KANK2: variants seen among roughly 807,000 people sequenced by gnomAD.
KANK2 encodes the protein KN motif and ankyrin repeat domain-containing protein 2.
A neutral mutation model predicts 74.6 loss-of-function variants in KANK2; 41 were observed. The ratio of observed to expected loss-of-function variants is 0.55; its 90% CI spans 0.43 to 0.71. The LOEUF (loss-of-function observed/expected upper bound fraction) is 0.71. Among genes scored for constraint, KANK2 ranks in the 30% least tolerant of loss-of-function variants. KANK2 has a pLI of 0.00. For missense variants in KANK2, 1,148 were observed against 1,196.4 expected, an observed-to-expected ratio of 0.96 and a Z score of 0.60; for synonymous variants, 537 against 519.0, an observed-to-expected ratio of 1.03 and a Z score of -0.47.
At position 11,174,603 on chromosome 19, in the gene KANK2, G is replaced by A; in HGVS notation, c.1938C>T (p.Val646=). 6.2e-7 allele frequency: 1 copy of A among 1,612,950 alleles called. No homozygotes were observed. The highest frequency in any genetic ancestry group is 8.5e-7 in the Non-Finnish European group (1 of 1,179,804). The change falls in exon 9 of 13, where the codon GTC becomes GTT. Residue 646 remains valine, a synonymous_variant. Transcript: ENST00000586659. ...GCCGCGCAGACATGGCCCGGAACGT[G>A]ACCAGGTGCCGCCGCACCAGCTCGG... The part of the protein sequence containing the change: ...AHPELVRRHL[V]TFRAMSARLL...
chr19:11,181,857 A>T (rs1490439595), intron 4 of KANK2, among the ~76,000 whole-genome samples: 1 of 152,066 alleles, frequency 6.6e-6, no homozygotes, highest in Non-Finnish European at 1.5e-5. Flanking sequence ...AAACAAAAAA[A>T]TGATGCAAAT....
chr19:11,172,279 A>T (rs1379994237), intron 10 of KANK2, among the ~76,000 whole-genome samples: 3 of 152,134 alleles, frequency 2.0e-5, no homozygotes, highest in African/African-American at 4.8e-5. Context: ...GCCTGGCCTT[A>T]ATTTTTTGAA....
intron 12 of KANK2, among the ~76,000 whole-genome samples, chr19:11,167,190 T>A (rs1210321181): frequency 1.3e-5 from 2 of 150,492 alleles, no homozygotes; most frequent in African/African-American, 4.9e-5. Flanking sequence ...CTCAGCCTCC[T>A]TAGTAGCTGG....
At position 11,175,970 on chromosome 19, in the gene KANK2, G is replaced by C. The variant is rs200345643; in HGVS notation, c.1780C>G (p.Leu594Val). 4.6e-5 allele frequency: 75 copies of C among 1,613,638 alleles called. No individual in the cohort carries two copies. The highest frequency in any genetic ancestry group is 3.4e-6 in the Non-Finnish European group (4 of 1,179,798). The change falls in exon 8 of 13, where the codon CTC becomes GTC. Residue 594 changes from leucine (L) to valine (V), a missense_variant. By Grantham distance (32) the Leu-to-Val change is conservative. Coordinates refer to ENST00000586659, the MANE Select transcript of KANK2 (RefSeq NM_001136191.3). ...TCCAGGGCCAAGCAGGCTGAGATGA[G>C]GTCAGGGCTTAGCTCCATCCTGCCA... ...EEIRMELSPDLISACLALEKY... is the reference protein window; with the variant it reads ...EEIRMELSPDVISACLALEKY...
In KANK2 at chr19:11,193,864, C is replaced by G. The variant is rs375690240; in HGVS notation, c.216G>C (p.Ser72=). 1 of 1,613,012 alleles carries G rather than the reference C, an allele frequency of 6.2e-7. No individual in the cohort carries two copies. The highest frequency in any genetic ancestry group is 1.7e-5 in the Admixed American group (1 of 59,974). Residue 72 remains serine, a synonymous_variant, in exon 4 of 13, where the codon TCG becomes TCC. Transcript: ENST00000586659. The surrounding 1 kb of genome is among the most constrained non-coding windows in gnomAD (Gnocchi z 9.6). ...ACCAGGAGCCAGGGCCACGGGGCAG[C>G]GAGCTCAGGCGGGGGCGGCGCTGCA... ...VAVQRRPRLS[S]LPRGPGSWWT...
At chr19:11,197,832 C>G (rs1411499223), upstream of KANK2, 1 of 151,544 alleles carries the variant, frequency 6.6e-6, no homozygotes, top group African/African-American at 2.4e-5. Context: ...TGGGCCGCTG[C>G]GGGGGGCGGA....
In KANK2 at chr19:11,193,363, G is replaced by A. The variant is rs778604840; in HGVS notation, c.717C>T (p.Pro239=). Residue 239 remains proline, a synonymous_variant, in exon 4 of 13, where the codon CCC becomes CCT. Coordinates refer to ENST00000586659, the MANE Select transcript of KANK2 (RefSeq NM_001136191.3). The surrounding 1 kb of genome is among the most constrained non-coding windows in gnomAD (Gnocchi z 9.6). ...QLKSQKFLGH[P]TAGRGRSELC... is the part of the protein sequence containing the mutation. ...GCTCGCTGCGACCCCGGCCCGCTGT[G>A]GGGTGGCCCAGGAACTTCTGGCTCT... is the stretch of plus-strand genomic sequence containing the variant. 2 of 1,612,820 alleles carry A rather than the reference G, an allele frequency of 1.2e-6. No individual in the cohort carries two copies. Among genetic ancestry groups the A allele is most frequent in the Admixed American group, 3.3e-5 (2 of 60,010 alleles).
chr19:11,165,943 G>T lies in KANK2; in HGVS notation c.*615C>A, dbSNP rs527479548. On this transcript the variant is annotated 3_prime_UTR_variant, in exon 13 of 13. Coordinates refer to ENST00000586659, the MANE Select transcript of KANK2 (RefSeq NM_001136191.3). ...ATCTGAATGAGGGTGAAAAGACTGAGTTTTCTGTCCCGGGTGACAAGGACA... is the reference window on the plus strand; with the variant it reads ...ATCTGAATGAGGGTGAAAAGACTGATTTTTCTGTCCCGGGTGACAAGGACA... 1 of 152,382 alleles carries T rather than the reference G, an allele frequency of 6.6e-6. No individual in the cohort carries two copies. The highest frequency in any genetic ancestry group is 6.5e-5 in the Admixed American group (1 of 15,278). 9.4% of individuals were successfully genotyped at this position (152,382 alleles called of 1,614,324 possible).
chr19:11,177,093 CT>C (rs33941817), intron 6 of KANK2, among the ~76,000 whole-genome samples: 258 of 104,778 alleles, frequency 2.5e-3, no homozygotes, highest in Middle Eastern at 6.9e-3. Context: ...ACTCACCCTC[CT>C]TTTTTTTTTT....
chr19:11,170,641 G>A lies in KANK2; in HGVS notation c.2212-393C>T, dbSNP rs1017596445. 6.6e-6 allele frequency among the ~76,000 whole-genome samples: 1 copy of A among 152,290 alleles called. No homozygotes were observed. The highest frequency in any genetic ancestry group is 2.4e-5 in the African/African-American group (1 of 41,560). On this transcript the variant is annotated intron_variant, in intron 10 of 12. Coordinates refer to ENST00000586659, the MANE Select transcript of KANK2 (RefSeq NM_001136191.3). The surrounding 1 kb of genome is among the most constrained non-coding windows in gnomAD (Gnocchi z 5.2). Reference sequence around the variant, plus strand: ...GTCTTGCTCTGTTGCCCAGGTTGGCGTGCAGTGGCACGATCGCAGCTCACT... The same window carrying A: ...GTCTTGCTCTGTTGCCCAGGTTGGCATGCAGTGGCACGATCGCAGCTCACT...
intron 6 of KANK2, among the ~76,000 whole-genome samples, chr19:11,177,375 G>C (rs2078375872): frequency 1.3e-5 from 2 of 151,478 alleles, no homozygotes; most frequent in South Asian, 4.2e-4. Context: ...TTTTTTTTGA[G>C]ACGGAGTCTC....
rs143435441 is a variant in KANK2 at position 11,194,023 on chromosome 19, G to A, written c.57C>T (p.Ser19=). 1 of 1,609,646 alleles carries A rather than the reference G, an allele frequency of 6.2e-7. No individual in the cohort carries two copies. Among genetic ancestry groups the A allele is most frequent in the Non-Finnish European group, 8.5e-7 (1 of 1,177,296 alleles). The change falls in exon 4 of 13, where the codon TCC becomes TCT. Residue 19 remains serine, a synonymous_variant. Transcript: ENST00000586659. ...APFPGTPGPA[S]PPAFPAKDPD... is the part of the protein sequence containing the mutation. ...GGTCCTTGGCAGGGAAGGCAGGTGG[G>A]GAGGCTGGGCCAGGGGTCCCTGGGG... is the stretch of plus-strand genomic sequence containing the variant.
rs201170043 is a variant in KANK2, at chr19:11,182,546, C to A, written c.1250-3826G>T. Among the ~76,000 whole-genome samples, 870 of 118,732 alleles carry A rather than the reference C, an allele frequency of 7.3e-3. 13 individuals are homozygous for A. The highest frequency in any genetic ancestry group is 9.6e-3 in the Non-Finnish European group (513 of 53,164). 77.9% of individuals were successfully genotyped at this position (118,732 alleles called of 152,430 possible). A position where few individuals can be genotyped will look rare whatever the true frequency, so the allele number is the denominator to read the frequency against. On this transcript the variant is annotated intron_variant, in intron 4 of 12. Transcript: ENST00000586659. ...ATCTTTAAAAAAAAAAACAAAAAAACAAAACAAAACAAAAAAGCCAGGCGC... is the reference window on the plus strand; with the variant it reads ...ATCTTTAAAAAAAAAAACAAAAAAAAAAAACAAAACAAAAAAGCCAGGCGC...
At position 11,170,204 on chromosome 19, in the gene KANK2, C is replaced by T. The variant is rs1479740607; in HGVS notation, c.2256G>A (p.Val752=). 1 of 1,611,318 alleles carries T rather than the reference C, an allele frequency of 6.2e-7. No homozygotes were observed. Among genetic ancestry groups the T allele is most frequent in the East Asian group, 2.2e-5 (1 of 44,882 alleles). Residue 752 remains valine, a synonymous_variant, in exon 11 of 13, where the codon GTG becomes GTA. Transcript: ENST00000586659. This position sits in a 1 kb window ranked among gnomAD's most constrained non-coding sequence, Gnocchi z 5.2. ...ALMLAVSHGR[V]DVVKALLACE... ...AGGCCAGCAGGGCTTTGACAACGTC[C>T]ACCCGCCCGTGGCTGACGGCCAGCA... is the stretch of plus-strand genomic sequence containing the variant.
In KANK2 at chr19:11,193,479, GCCGCAGCTT is replaced by G; in HGVS notation, c.592_600del (p.Lys198_Arg200del). On this transcript the variant is annotated inframe_deletion, in exon 4 of 13. Transcript: ENST00000586659. The surrounding 1 kb of genome is among the most constrained non-coding windows in gnomAD (Gnocchi z 9.6). Reference sequence around the variant, plus strand: ...ATCAGCTTCACCTGCTCCTCCAGCTGCCGCAGCTTCCGCAGGGCACCCGCCATCTGCTCC... The same window carrying G: ...ATCAGCTTCACCTGCTCCTCCAGCTGCCGCAGGGCACCCGCCATCTGCTCC... 6.2e-7 allele frequency: 1 copy of G among 1,611,392 alleles called. No homozygotes were observed. Among genetic ancestry groups the G allele is most frequent in the Non-Finnish European group, 8.5e-7 (1 of 1,179,926 alleles).
intron 4 of KANK2, among the ~76,000 whole-genome samples, chr19:11,187,192 G>A (rs2078701560): frequency 6.6e-6 from 1 of 152,064 alleles, no homozygotes; most frequent in African/African-American, 2.4e-5. Flanking sequence ...GGGAGGCAGA[G>A]GTTACAGTGA....
chr19:11,164,568 C>G lies in KANK2; in HGVS notation c.*1990G>C, dbSNP rs146435354. ...TGCACTGGCTGGCTCCAGGGCTGGA[C>G]ACACAGGCACAGAACTCTTGTACCG... On this transcript the variant is annotated 3_prime_UTR_variant, in exon 13 of 13. Transcript: ENST00000586659. The G allele has an allele frequency of 2.2e-4, 33 of 152,286 alleles. No homozygotes were observed. Among genetic ancestry groups the G allele is most frequent in the Middle Eastern group, 6.8e-3 (2 of 294 alleles). The allele number at this position is 152,286 out of a possible 1,614,324, so 9.4% of individuals were successfully genotyped here. A position where few individuals can be genotyped will look rare whatever the true frequency, so the allele number is the denominator to read the frequency against.
intron 4 of KANK2, among the ~76,000 whole-genome samples, chr19:11,187,280 A>C (rs1434820457): frequency 3.3e-5 from 5 of 152,148 alleles, no homozygotes; most frequent in Non-Finnish European, 7.4e-5. Flanking sequence ...AAGAAAAAAA[A>C]GAAAATAAAA....
rs2079059527 is a variant in KANK2, at chr19:11,197,533, C to T, written c.-327G>A. The stretch of plus-strand genomic sequence containing the variant: ...TCCCTGGGTCCCGCCGCCCGAGCGT[C>T]TTCGCGCGCGCCGCAGCCTGGGCGC... On this transcript the variant is annotated 5_prime_UTR_variant, in exon 1 of 13. Transcript: ENST00000586659. 1 of 152,080 alleles carries T rather than the reference C, an allele frequency of 6.6e-6. No individual in the cohort carries two copies. Among genetic ancestry groups the T allele is most frequent in the Non-Finnish European group, 1.5e-5 (1 of 68,162 alleles). The allele number at this position is 152,080 out of a possible 1,614,324, so 9.4% of individuals were successfully genotyped here. A position where few individuals can be genotyped will look rare whatever the true frequency, so the allele number is the denominator to read the frequency against.
Sources: gnomAD v4.1 joint callset for allele counts (sites outside exome capture counted in the v4.1 genomes callset) on GRCh38, gnomAD v4.1.1 for gene constraint, Gnocchi (gnomAD v3.1) non-coding constraint, MANE v1.5 for transcripts, NCBI Gene and HGNC (gene_info 2026-07-23, HGNC 2026-07-21) for gene names.